ARHGAP42: variants seen among roughly 807,000 people sequenced by gnomAD.
ARHGAP42 encodes rho GTPase-activating protein 42.
Under a neutral mutation model 125.0 loss-of-function variants are expected in ARHGAP42, and 63 were observed. The observed-to-expected ratio is 0.50, with a 90% CI of 0.41 to 0.62. The LOEUF (loss-of-function observed/expected upper bound fraction) is 0.62, where lower values mean the gene tolerates loss of function less well. Ranked by LOEUF, ARHGAP42 falls within the 20% of genes least tolerant of loss-of-function variation. The pLI is 0.00. For missense variants in ARHGAP42, 766 were observed against 1,024.2 expected (o/e 0.75, Z 3.44); for synonymous variants, 339 against 351.0 (o/e 0.97, Z 0.38).
chr11:100,814,077 C>T (rs994357482), intron 3 of ARHGAP42, among the ~76,000 whole-genome samples: 10 of 152,112 alleles, frequency 6.6e-5, no homozygotes, highest in Admixed American at 5.9e-4. Flanking sequence ...CCTGTAATCC[C>T]AGCTACTCAG....
chr11:100,936,407 T>C (rs1312629310), intron 8 of ARHGAP42, 75 bp downstream of exon 8: 1 of 1,514,464 alleles, frequency 6.6e-7, no homozygotes, highest in East Asian at 2.5e-5. Context: ...GTTAGTAGTA[T>C]TTCCTTCAAG....
At chr11:100,988,348 T>C (rs903395464) in intron 23 of ARHGAP42, among the ~76,000 whole-genome samples, 5 of 152,170 alleles carry the variant, frequency 3.3e-5, no homozygotes, top group African/African-American at 4.8e-5. Context: ...AATTTTTGCA[T>C]GCACACTTTA....
At chr11:100,761,643 G>T (rs2134973648) in intron 1 of ARHGAP42, among the ~76,000 whole-genome samples, 1 of 152,234 alleles carries the variant, frequency 6.6e-6, no homozygotes, top group East Asian at 1.9e-4. Context: ...TCATTTATGG[G>T]ATTACAAACT....
chr11:100,718,044 T>G (rs1218798529), intron 1 of ARHGAP42, among the ~76,000 whole-genome samples: 1 of 152,004 alleles, frequency 6.6e-6, no homozygotes, highest in Non-Finnish European at 1.5e-5. Flanking sequence ...GATTTGAAAA[T>G]GTAGTTATTA....
intron 1 of ARHGAP42, among the ~76,000 whole-genome samples, chr11:100,719,809 A>G (rs1462938722): frequency 2.0e-5 from 3 of 152,234 alleles, no homozygotes; most frequent in African/African-American, 7.2e-5. Context: ...AGAAAAATGA[A>G]GCCCCTTCAC....
intron 4 of ARHGAP42, among the ~76,000 whole-genome samples, chr11:100,905,460 T>C (rs1288272130): frequency 1.3e-5 from 2 of 152,214 alleles, no homozygotes; most frequent in South Asian, 4.1e-4. Context: ...ACTTCAAACA[T>C]ATTTCCCTTC....
intron 1 of ARHGAP42, among the ~76,000 whole-genome samples, chr11:100,688,605 C>A (rs1383158017): frequency 6.6e-6 from 1 of 152,202 alleles, no homozygotes; most frequent in Non-Finnish European, 1.5e-5. Flanking sequence ...TCTTAGCTTT[C>A]AATTCCTAAG....
At chr11:100,814,914 A>G (rs966999399) in intron 3 of ARHGAP42, among the ~76,000 whole-genome samples, 1 of 152,162 alleles carries the variant, frequency 6.6e-6, no homozygotes, top group Admixed American at 6.5e-5. Flanking sequence ...GCCTTCACAT[A>G]CGGTGTTTCT....
intron 1 of ARHGAP42, among the ~76,000 whole-genome samples, chr11:100,742,560 T>G (rs1325047282): frequency 6.6e-6 from 1 of 152,248 alleles, no homozygotes; most frequent in Non-Finnish European, 1.5e-5. Context: ...GTTAAATTAC[T>G]GAACTCTTGC....
At chr11:100,882,446 C>T (rs1471412178) in intron 4 of ARHGAP42, among the ~76,000 whole-genome samples, 2 of 150,682 alleles carry the variant, frequency 1.3e-5, no homozygotes, top group East Asian at 3.9e-4. Context: ...ATGAAACCCA[C>T]ATCATCATGG....
Position 100,974,592 on chromosome 11 carries a change from C to T in ARHGAP42, c.1844C>T (p.Ala615Val), listed in dbSNP as rs1858340462. Residue 615 changes from alanine to valine, a missense_variant, in exon 19 of 24, where the codon GCC becomes GTC. Transcript: ENST00000298815. ...AGAGGGAGGTATACTCCATGCCTGG[C>T]CGAACCTGATAGTAAGTGCACCCGG... ...KPRGRYTPCL[A>V]EPDSDSYSSS... The T allele has an allele frequency of 1.3e-5, 20 of 1,549,466 alleles. No individual in the cohort carries two copies. Among genetic ancestry groups the T allele is most frequent in the Non-Finnish European group, 1.7e-5 (20 of 1,145,828 alleles).
intron 3 of ARHGAP42, among the ~76,000 whole-genome samples, chr11:100,837,150 CTT>C (rs1327022773): frequency 7.9e-5 from 12 of 152,034 alleles, no homozygotes; most frequent in Non-Finnish European, 1.8e-4. Context: ...CTTTACGACT[CTT>C]TGTCTTGAGA....
At chr11:100,743,378 G>A (rs138540161) in intron 1 of ARHGAP42, among the ~76,000 whole-genome samples, 258 of 152,264 alleles carry the variant, frequency 1.7e-3, no homozygotes, top group African/African-American at 6.1e-3. Context: ...TGTTTAAGGA[G>A]GCTAAAGATA....
At chr11:100,932,793 T>A (rs1867622851) in intron 6 of ARHGAP42, among the ~76,000 whole-genome samples, 1 of 152,214 alleles carries the variant, frequency 6.6e-6, no homozygotes, top group Non-Finnish European at 1.5e-5. Context: ...ACGTTGCACA[T>A]CTTTTATCCC....
At chr11:100,965,577 G>A in intron 16 of ARHGAP42, 94 bp from the exon 17 acceptor site, 2 of 1,005,298 alleles carry the variant, frequency 2.0e-6, no homozygotes, top group South Asian at 1.4e-5. Flanking sequence ...GGCATGAGGG[G>A]TAGGAGTGGT....
chr11:100,776,499 G>A (rs909566881), intron 2 of ARHGAP42, among the ~76,000 whole-genome samples: 3 of 152,178 alleles, frequency 2.0e-5, no homozygotes, highest in Non-Finnish European at 2.9e-5. Flanking sequence ...ACTACCATTT[G>A]TCAACTAAGG....
At chr11:100,782,999 T>G (rs1027437021) in intron 2 of ARHGAP42, among the ~76,000 whole-genome samples, 1 of 152,224 alleles carries the variant, frequency 6.6e-6, no homozygotes, top group African/African-American at 2.4e-5. Context: ...CACAATCAAC[T>G]GTGGGGAGCC....
chr11:100,889,685 C>T (rs189794944), intron 4 of ARHGAP42, among the ~76,000 whole-genome samples: 25 of 152,240 alleles, frequency 1.6e-4, no homozygotes, highest in Admixed American at 7.8e-4. Context: ...TTTCTATTAA[C>T]CTATAGGTAT....
chr11:100,748,293 A>G lies in ARHGAP42; in HGVS notation c.155-22050A>G, dbSNP rs184712568. 4.3e-3 allele frequency among the ~76,000 whole-genome samples: 649 copies of G among 152,324 alleles called. 1 individual carries two copies. The highest frequency in any genetic ancestry group is 7.1e-3 in the Non-Finnish European group (480 of 68,036). On this transcript the variant is annotated intron_variant, in intron 1 of 23. Transcript: ENST00000298815. ...GCTCGCAGGTTTGAGCAGGCCAATT[A>G]TTAGGCAATTTTCCTAACAGAGCTT...
Sources: gnomAD v4.1 joint callset for allele counts (sites outside exome capture counted in the v4.1 genomes callset) on GRCh38, gnomAD v4.1.1 for gene constraint, MANE v1.5 for transcripts, NCBI Gene and HGNC (gene_info 2026-07-23, HGNC 2026-07-21) for gene names.